Variants in TRIM54 observed in about 807,000 individuals in gnomAD.
The protein encoded by TRIM54 is tripartite motif containing 54, also known as tripartite motif-containing protein 54.
A neutral mutation model predicts 42.0 loss-of-function variants in TRIM54; 40 were observed. That is an observed-to-expected ratio of 0.95 (90% confidence interval 0.74 to 1.24). TRIM54 has a LOEUF of 1.24. Ranked by LOEUF, TRIM54 falls within the 50% of genes most tolerant of loss-of-function variation. The pLI is 0.00. For synonymous variants in TRIM54, 199 were observed against 194.9 expected, an observed-to-expected ratio of 1.02 and a Z score of -0.17; for missense variants, 485 against 480.3, an observed-to-expected ratio of 1.01 and a Z score of -0.09.
intron 1 of TRIM54, among the ~76,000 whole-genome samples, chr2:27,284,005 C>T (rs920472548): frequency 2.6e-5 from 4 of 152,020 alleles, no homozygotes; most frequent in Admixed American, 1.3e-4. Context: ...TGGTTGCAGG[C>T]GCCTGTAGTC....
At chr2:27,290,192 A>T (rs1406387470) in intron 1 of TRIM54, among the ~76,000 whole-genome samples, 2 of 151,970 alleles carry the variant, frequency 1.3e-5, no homozygotes, top group East Asian at 3.9e-4. Context: ...ACTATCTCTT[A>T]AAAAAAATTT....
At chr2:27,294,044 A>G (rs934993132) in intron 1 of TRIM54, among the ~76,000 whole-genome samples, 3 of 151,908 alleles carry the variant, frequency 2.0e-5, no homozygotes, top group Non-Finnish European at 2.9e-5. Flanking sequence ...AACAATAATA[A>G]CAACAACAAC....
In TRIM54 at chr2:27,307,112, G is replaced by T. The variant is rs1679247340; in HGVS notation, c.*227G>T. 4.0e-6 allele frequency: 1 copy of T among 247,574 alleles called. No homozygotes were observed. The highest frequency in any genetic ancestry group is 7.8e-6 in the Non-Finnish European group (1 of 127,564). 15.3% of individuals were successfully genotyped at this position (247,574 alleles called of 1,614,324 possible). On this transcript the variant is annotated 3_prime_UTR_variant, in exon 9 of 9. Transcript: ENST00000380075. The surrounding 1 kb of genome is among the most constrained non-coding windows in gnomAD (Gnocchi z 6.9). ...CCCAGAACCTGAGACCGTCTGGGGG[G>T]CGGAAGCCAAATGAACCCCTATTGG... is the stretch of plus-strand genomic sequence containing the variant.
At chr2:27,290,169 CT>C (rs547236946) in intron 1 of TRIM54, among the ~76,000 whole-genome samples, 85 of 151,896 alleles carry the variant, frequency 5.6e-4, no homozygotes, top group Non-Finnish European at 9.0e-4. Context: ...ACCGTGCTAT[CT>C]TTTTAAGAGA....
rs1679224166 is a variant in TRIM54, at chr2:27,306,613, C to T, written c.*1+71C>T. ...CTTGGGGTGGGGCCTGGCTGGTGTG[C>T]TCGCGTCCCCTCCCCCAGTGATTGC... On this transcript the variant is annotated intron_variant, in intron 8 of 8. Coordinates refer to ENST00000380075, the MANE Select transcript of TRIM54 (RefSeq NM_187841.3). This position sits in a 1 kb window ranked among gnomAD's most constrained non-coding sequence, Gnocchi z 6.1. 2 of 1,376,302 alleles carry T rather than the reference C, an allele frequency of 1.5e-6. No homozygotes were observed. The highest frequency in any genetic ancestry group is 1.5e-5 in the South Asian group (1 of 67,306). The allele number at this position is 1,376,302 out of a possible 1,614,324, so 85.3% of individuals were successfully genotyped here. A position where few individuals can be genotyped will look rare whatever the true frequency, so the allele number is the denominator to read the frequency against.
chr2:27,298,539 T>A, intron 1 of TRIM54, 28 bp from the exon 2 acceptor site: 1 of 1,598,982 alleles, frequency 6.3e-7, no homozygotes, highest in South Asian at 1.1e-5. Flanking sequence ...TCCCCGTGCC[T>A]GTTCTCTCAA....
rs759620469 is a variant in TRIM54 at position 27,307,150 on chromosome 2, T to C, written c.*265T>C. The C allele has an allele frequency of 6.4e-6, 2 of 312,198 alleles. No homozygotes were observed. The highest frequency in any genetic ancestry group is 1.2e-5 in the Non-Finnish European group (2 of 167,010). 19.3% of individuals were successfully genotyped at this position (312,198 alleles called of 1,614,324 possible). ...GAACCCCTATTGGGCACCTCTGTGA[T>C]GCCAGGAGCGAACTGGTGAGCCCAG... is the stretch of plus-strand genomic sequence containing the variant. On this transcript the variant is annotated 3_prime_UTR_variant, in exon 9 of 9. Transcript: ENST00000380075. This position sits in a 1 kb window ranked among gnomAD's most constrained non-coding sequence, Gnocchi z 6.9.
intron 1 of TRIM54, among the ~76,000 whole-genome samples, chr2:27,288,745 G>A (rs548507428): frequency 6.6e-6 from 1 of 152,310 alleles, no homozygotes; most frequent in African/African-American, 2.4e-5. Flanking sequence ...GAGAACATAG[G>A]AAACAGGTCA....
intron 3 of TRIM54, among the ~76,000 whole-genome samples, chr2:27,304,046 C>T (rs1473651449): frequency 1.3e-5 from 2 of 151,284 alleles, no homozygotes; most frequent in Non-Finnish European, 2.9e-5. Flanking sequence ...ACCCCGTCTA[C>T]AAAAAAATAT....
chr2:27,301,041 A>G (rs1383469379), intron 3 of TRIM54, among the ~76,000 whole-genome samples: 2 of 152,022 alleles, frequency 1.3e-5, no homozygotes, highest in African/African-American at 2.4e-5. Context: ...GCTAGTCCAT[A>G]GAGTAAAGTG....
chr2:27,305,481 C>T (rs535158888), intron 4 of TRIM54, 103 bp from the exon 5 acceptor site: 14 of 934,564 alleles, frequency 1.5e-5, no homozygotes, highest in Middle Eastern at 2.2e-4. Flanking sequence ...AGTGTCACTA[C>T]GGATGGGTCA....
intron 1 of TRIM54, among the ~76,000 whole-genome samples, chr2:27,285,525 A>G (rs910200425): frequency 1.3e-5 from 2 of 152,348 alleles, no homozygotes; most frequent in East Asian, 3.9e-4. Flanking sequence ...CAAATCTGCT[A>G]TTCACCTCAG....
In TRIM54 at chr2:27,306,746, GT is replaced by G; in HGVS notation, c.*2-139del. Reference sequence around the variant, plus strand: ...AAGTACACTTTCCTCCTCACCCGCTGTTCCTCTGGGGTGCTGGGAGGGCAGG... The same window carrying G: ...AAGTACACTTTCCTCCTCACCCGCTGTCCTCTGGGGTGCTGGGAGGGCAGG... On this transcript the variant is annotated intron_variant, in intron 8 of 8. Coordinates refer to ENST00000380075, the MANE Select transcript of TRIM54 (RefSeq NM_187841.3). This position sits in a 1 kb window ranked among gnomAD's most constrained non-coding sequence, Gnocchi z 6.1. 1 of 613,658 alleles carries G rather than the reference GT, an allele frequency of 1.6e-6. No homozygotes were observed. The highest frequency in any genetic ancestry group is 2.8e-6 in the Non-Finnish European group (1 of 353,340). The allele number at this position is 613,658 out of a possible 1,614,324, so 38.0% of individuals were successfully genotyped here. A position where few individuals can be genotyped will look rare whatever the true frequency, so the allele number is the denominator to read the frequency against.
At chr2:27,293,768 T>A (rs1256773137) in intron 1 of TRIM54, among the ~76,000 whole-genome samples, 1 of 152,146 alleles carries the variant, frequency 6.6e-6, no homozygotes, top group Non-Finnish European at 1.5e-5. Context: ...ACACCTGTAA[T>A]CCCAGCACTT....
chr2:27,284,128 A>C (rs1467200366), intron 1 of TRIM54, among the ~76,000 whole-genome samples: 1 of 152,172 alleles, frequency 6.6e-6, no homozygotes, highest in Non-Finnish European at 1.5e-5. Context: ...GCAAGACTCC[A>C]TCTCAAAAAA....
In TRIM54 at chr2:27,282,914, C is replaced by T. The variant is rs62130709; in HGVS notation, c.168+15C>T. 0.22 allele frequency: 354,792 copies of T among 1,602,100 alleles called. 42,168 individuals are homozygous for T. The highest frequency in any genetic ancestry group is 0.44 in the Admixed American group (25,880 of 59,390). ...ACGTCTTCCAGGTGGGTGCCAGGGA[C>T]GGGGCAGGGCCAGGTAAAGCAATGC... On this transcript the variant is annotated intron_variant, in intron 1 of 8. Coordinates refer to ENST00000380075, the MANE Select transcript of TRIM54 (RefSeq NM_187841.3).
chr2:27,297,456 C>G (rs1427634539), intron 1 of TRIM54, among the ~76,000 whole-genome samples: 1 of 152,230 alleles, frequency 6.6e-6, no homozygotes, highest in Non-Finnish European at 1.5e-5. Context: ...AGCAACTACT[C>G]TAGGCAAGAG....
rs375787869 is a variant in TRIM54, at chr2:27,286,168, T to A, written c.168+3269T>A. Among the ~76,000 whole-genome samples the A allele has an allele frequency of 1.2e-4, 18 of 151,900 alleles. No homozygotes were observed. The East Asian group carries it at 1.9e-3, about 16-fold the overall frequency. On this transcript the variant is annotated intron_variant, in intron 1 of 8. Coordinates refer to ENST00000380075, the MANE Select transcript of TRIM54 (RefSeq NM_187841.3). ...GTTATTTTTATTTTTGCATATTATT[T>A]TTTTTTTTTTGAGATGGTGTCACAT...
chr2:27,285,466 A>C (rs1257552240), intron 1 of TRIM54, among the ~76,000 whole-genome samples: 2 of 152,234 alleles, frequency 1.3e-5, no homozygotes, highest in East Asian at 3.9e-4. Context: ...AATTTGTAAC[A>C]TGTAAACATA....
Sources: gnomAD v4.1 joint callset for allele counts (sites outside exome capture counted in the v4.1 genomes callset) on GRCh38, gnomAD v4.1.1 for gene constraint, Gnocchi (gnomAD v3.1) non-coding constraint, MANE v1.5 for transcripts, NCBI Gene and HGNC (gene_info 2026-07-23, HGNC 2026-07-21) for gene names.